GREB1L: variants seen among roughly 807,000 people sequenced by gnomAD.
GREB1L encodes GREB1-like protein.
Under a neutral mutation model 200.8 loss-of-function variants are expected in GREB1L, and 17 were observed. That is an observed-to-expected ratio of 0.08 (90% CI 0.06 to 0.13). The LOEUF (loss-of-function observed/expected upper bound fraction) is 0.13. GREB1L is among the 10% of genes least tolerant of loss of function. The pLI, the probability that GREB1L is intolerant of heterozygous loss-of-function variation, is 1.00. For synonymous variants in GREB1L, 789 were observed against 893.0 expected, an observed-to-expected ratio of 0.88 and a Z score of 2.08; for missense variants, 1,657 against 2,367.7, an observed-to-expected ratio of 0.70 and a Z score of 6.23.
chr18:21,437,666 A>G (rs2033633005), intron 7 of GREB1L, among the ~76,000 whole-genome samples: 1 of 152,206 alleles, frequency 6.6e-6, no homozygotes, highest in Non-Finnish European at 1.5e-5. Context: ...ACAGGTATAT[A>G]ATCAGCAAAA....
At chr18:21,276,028 A>C (rs897435692) in intron 1 of GREB1L, among the ~76,000 whole-genome samples, 2 of 152,186 alleles carry the variant, frequency 1.3e-5, no homozygotes, top group African/African-American at 4.8e-5. Flanking sequence ...GGTTCCGTTT[A>C]GCTTCAGGAG....
chr18:21,397,559 G>T (rs886154258), intron 5 of GREB1L, among the ~76,000 whole-genome samples: 2 of 146,692 alleles, frequency 1.4e-5, no homozygotes, highest in African/African-American at 5.3e-5. Context: ...ATAATAATTA[G>T]CTGGGCGTGG....
At chr18:21,518,653 A>G (rs1290627923) in intron 31 of GREB1L, among the ~76,000 whole-genome samples, 1 of 152,212 alleles carries the variant, frequency 6.6e-6, no homozygotes, top group African/African-American at 2.4e-5. Context: ...AAAGACATAC[A>G]ATGTCTTAGG....
At chr18:21,452,350 T>A (rs2034567804) in intron 14 of GREB1L, 133 bp downstream of exon 14, 2 of 849,296 alleles carry the variant, frequency 2.4e-6, no homozygotes, top group African/African-American at 1.7e-5. Context: ...GTCTACATGA[T>A]AAACCTGGTT....
intron 1 of GREB1L, among the ~76,000 whole-genome samples, chr18:21,311,981 C>T (rs2038799096): frequency 6.6e-6 from 1 of 152,148 alleles, no homozygotes; most frequent in Non-Finnish European, 1.5e-5. Flanking sequence ...ATCCCCCTCC[C>T]ACCTTCCACC....
chr18:21,312,120 C>T (rs1221176479), intron 1 of GREB1L, among the ~76,000 whole-genome samples: 1 of 152,104 alleles, frequency 6.6e-6, no homozygotes, highest in Non-Finnish European at 1.5e-5. Flanking sequence ...ATGATGGCCT[C>T]CAGCTCCATC....
chr18:21,482,548 C>T (rs1180495044), intron 17 of GREB1L, among the ~76,000 whole-genome samples: 1 of 151,964 alleles, frequency 6.6e-6, no homozygotes, highest in Non-Finnish European at 1.5e-5. Context: ...CGTGAGCCAC[C>T]GCGCCTGGCC....
chr18:21,432,705 C>CTTTTTTTTTT (rs11380208), intron 7 of GREB1L, among the ~76,000 whole-genome samples: 953 of 94,270 alleles, frequency 0.01, 9 homozygotes, highest in African/African-American at 0.027. Context: ...TCTTTTTTTT[C>CTTTTTTTTTT]TTTTTTTTTT....
At chr18:21,475,964 C>A (rs2035678014) in intron 16 of GREB1L, among the ~76,000 whole-genome samples, 1 of 91,808 alleles carries the variant, frequency 1.1e-5, no homozygotes, top group South Asian at 4.4e-4. Context: ...GAGAGAGACT[C>A]CGTCTCAAAA....
chr18:21,410,725 AC>A (rs1324961738), intron 7 of GREB1L, among the ~76,000 whole-genome samples: 1 of 135,494 alleles, frequency 7.4e-6, no homozygotes, highest in African/African-American at 3.3e-5. Flanking sequence ...ATTAGGAGTC[AC>A]CATAGAGTAA....
intron 1 of GREB1L, among the ~76,000 whole-genome samples, chr18:21,281,988 T>A (rs1328675334): frequency 6.6e-6 from 1 of 152,190 alleles, no homozygotes; most frequent in South Asian, 2.1e-4. Context: ...AAATTTATTG[T>A]GTGGCTAGGC....
intron 7 of GREB1L, among the ~76,000 whole-genome samples, chr18:21,416,496 T>A (rs1202337948): frequency 1.3e-5 from 2 of 151,886 alleles, no homozygotes; most frequent in African/African-American, 2.4e-5. Flanking sequence ...ATCGAGACCA[T>A]CCTGGCTAAC....
At chr18:21,520,604 G>A in intron 31 of GREB1L, 84 bp from the exon 32 acceptor site, 11 of 1,396,550 alleles carry the variant, frequency 7.9e-6, no homozygotes, top group Non-Finnish European at 1.1e-5. Flanking sequence ...TAGAGAAAAA[G>A]GAAGGTACTG....
chr18:21,404,592 G>A (rs1348382077), intron 7 of GREB1L, among the ~76,000 whole-genome samples: 1 of 152,206 alleles, frequency 6.6e-6, no homozygotes, highest in Non-Finnish European at 1.5e-5. Flanking sequence ...CTACCAGTCT[G>A]AGGCTTCTAA....
intron 1 of GREB1L, among the ~76,000 whole-genome samples, chr18:21,276,750 TA>T (rs906616826): frequency 3.3e-5 from 5 of 151,598 alleles, no homozygotes; most frequent in Admixed American, 2.6e-4. Flanking sequence ...GTCTTTCTAT[TA>T]AAAAAAGGAA....
intron 2 of GREB1L, among the ~76,000 whole-genome samples, chr18:21,374,647 T>C (rs1389458821): frequency 6.6e-6 from 1 of 152,194 alleles, no homozygotes; most frequent in Non-Finnish European, 1.5e-5. Flanking sequence ...TTCAGTTCTT[T>C]TTCTTTTAGC....
At chr18:21,486,911 G>A (rs1451054760) in intron 18 of GREB1L, among the ~76,000 whole-genome samples, 2 of 152,158 alleles carry the variant, frequency 1.3e-5, no homozygotes, top group Admixed American at 6.5e-5. Flanking sequence ...TAACAAACCT[G>A]TCCATAATTT....
intron 15 of GREB1L, among the ~76,000 whole-genome samples, chr18:21,458,767 G>A (rs926053397): frequency 6.6e-6 from 1 of 152,202 alleles, no homozygotes; most frequent in East Asian, 1.9e-4. Flanking sequence ...GCGTAACGTA[G>A]ACTTGTAACT....
intron 5 of GREB1L, among the ~76,000 whole-genome samples, chr18:21,399,581 G>A (rs1330996004): frequency 6.6e-6 from 1 of 152,038 alleles, no homozygotes; most frequent in African/African-American, 2.4e-5. Flanking sequence ...GCGGGGAGGG[G>A]CTACTGCTTT....
Sources: allele counts gnomAD v4.1 joint callset (sites outside exome capture counted in the v4.1 genomes callset), GRCh38; gene constraint gnomAD v4.1.1; transcripts MANE v1.5; gene names NCBI Gene and HGNC (gene_info 2026-07-23, HGNC 2026-07-21).